VPS36: variants seen among roughly 807,000 people sequenced by gnomAD.
The protein encoded by VPS36 is vacuolar protein-sorting-associated protein 36.
Under a neutral mutation model 63.5 loss-of-function variants are expected in VPS36, and 31 were observed. The observed-to-expected ratio is 0.49, with a 90% CI of 0.37 to 0.66. The LOEUF (loss-of-function observed/expected upper bound fraction) is 0.66, where lower values mean the gene tolerates loss of function less well. VPS36 is among the 30% of genes least tolerant of loss of function. The pLI, the probability that VPS36 is intolerant of heterozygous loss-of-function variation, is 0.00. For synonymous variants in VPS36, 138 were observed against 157.2 expected, an observed-to-expected ratio of 0.88 and a Z score of 0.91; for missense variants, 338 against 463.7, an observed-to-expected ratio of 0.73 and a Z score of 2.49.
In VPS36 at chr13:52,439,170, T is replaced by C. The variant is rs765528788; in HGVS notation, c.166-2A>G. 6 of 1,613,060 alleles carry C rather than the reference T, an allele frequency of 3.7e-6. No individual in the cohort carries two copies. Among genetic ancestry groups the C allele is most frequent in the South Asian group, 1.1e-5 (1 of 90,938 alleles). On this transcript the variant is annotated splice_acceptor_variant, in intron 2 of 13. Coordinates refer to ENST00000378060, the MANE Select transcript of VPS36 (RefSeq NM_016075.4). LOFTEE classifies it high-confidence loss of function. The stretch of plus-strand genomic sequence containing the variant: ...AAGGAGAATGGCCATGCAACACTCC[T>C]AGGAGGAAATCAATAGCTTAAATGA...
At chr13:52,447,003 G>C (rs1281675608) in intron 1 of VPS36, among the ~76,000 whole-genome samples, 1 of 151,428 alleles carries the variant, frequency 6.6e-6, no homozygotes, top group African/African-American at 2.4e-5. Context: ...AGCCTCCCAA[G>C]TAGCTGGGAT....
At chr13:52,418,316 C>T (rs1205801844) in intron 10 of VPS36, among the ~76,000 whole-genome samples, 4 of 151,972 alleles carry the variant, frequency 2.6e-5, no homozygotes, top group South Asian at 2.1e-4. Context: ...GTGGCTCACA[C>T]CTGTAATCCT....
intron 3 of VPS36, among the ~76,000 whole-genome samples, chr13:52,437,612 T>C (rs1346729429): frequency 6.6e-6 from 1 of 151,926 alleles, no homozygotes. Context: ...AGTCATCCAA[T>C]TACTATACTT....
intron 10 of VPS36, 58 bp from the exon 11 acceptor site, chr13:52,418,114 A>C: frequency 7.1e-7 from 1 of 1,410,314 alleles, no homozygotes; most frequent in Non-Finnish European, 9.8e-7. Flanking sequence ...CTAAAACAGA[A>C]GAGTATATTT....
At chr13:52,419,579 G>T (rs1221912367) in intron 10 of VPS36, among the ~76,000 whole-genome samples, 2 of 152,186 alleles carry the variant, frequency 1.3e-5, no homozygotes, top group Non-Finnish European at 2.9e-5. Context: ...ATGAAAAACA[G>T]TATGGCGATT....
intron 9 of VPS36, among the ~76,000 whole-genome samples, chr13:52,424,709 G>A (rs1466716378): frequency 3.9e-5 from 6 of 152,164 alleles, no homozygotes; most frequent in African/African-American, 1.2e-4. Context: ...ATACTAGGCC[G>A]GCACGGTGGC....
At chr13:52,450,356 C>T (rs1001920694) in intron 1 of VPS36, 143 bp downstream of exon 1, 3 of 1,224,080 alleles carry the variant, frequency 2.5e-6, no homozygotes, top group Non-Finnish European at 3.1e-6. Flanking sequence ...CGCTGCACCC[C>T]GCACAGAGGC....
At chr13:52,428,817 T>C (rs1374343700) in intron 6 of VPS36, among the ~76,000 whole-genome samples, 2 of 152,158 alleles carry the variant, frequency 1.3e-5, no homozygotes, top group Non-Finnish European at 2.9e-5. Context: ...TTTATTATAT[T>C]ATGTTGCTGT....
rs750601102 is a variant in VPS36 at position 52,415,934 on chromosome 13, A to AG, written c.1068-12_1068-11insC. The stretch of plus-strand genomic sequence containing the variant: ...TCTGCAAGCAGCAACCTAAAAAAAA[A>AG]CAACAAAAAAACCCCCACACAATTA... On this transcript the variant is annotated splice_polypyrimidine_tract_variant and intron_variant, in intron 13 of 13. Coordinates refer to ENST00000378060, the MANE Select transcript of VPS36 (RefSeq NM_016075.4). 1.2e-6 allele frequency: 2 copies of AG among 1,613,300 alleles called. No homozygotes were observed. The highest frequency in any genetic ancestry group is 1.7e-6 in the Non-Finnish European group (2 of 1,179,836).
intron 1 of VPS36, among the ~76,000 whole-genome samples, chr13:52,446,750 A>G (rs1958347421): frequency 6.6e-6 from 1 of 152,190 alleles, no homozygotes; most frequent in South Asian, 2.1e-4. Flanking sequence ...ATATACACAG[A>G]TGTTTATGTA....
At chr13:52,449,359 T>G (rs1291451899) in intron 1 of VPS36, among the ~76,000 whole-genome samples, 4 of 151,958 alleles carry the variant, frequency 2.6e-5, no homozygotes, top group African/African-American at 7.3e-5. Flanking sequence ...ATTAATTAAT[T>G]AAATTAAGAA....
chr13:52,415,552 A>T lies in VPS36; in HGVS notation c.*278T>A, dbSNP rs905844367. ...CTTTATAAAATGATTAGATTTGAGG[A>T]TCAAGTTAAAATCCACTATATTCCA... On this transcript the variant is annotated 3_prime_UTR_variant, in exon 14 of 14. Coordinates refer to ENST00000378060, the MANE Select transcript of VPS36 (RefSeq NM_016075.4). The T allele has an allele frequency of 3.7e-6, 1 of 273,110 alleles. No homozygotes were observed. The highest frequency in any genetic ancestry group is 2.2e-5 in the African/African-American group (1 of 45,026). The allele number at this position is 273,110 out of a possible 1,614,324, so 16.9% of individuals were successfully genotyped here. A position where few individuals can be genotyped will look rare whatever the true frequency, so the allele number is the denominator to read the frequency against.
intron 11 of VPS36, among the ~76,000 whole-genome samples, chr13:52,417,694 A>G (rs1300948685): frequency 1.3e-5 from 2 of 152,142 alleles, no homozygotes; most frequent in Non-Finnish European, 2.9e-5. Context: ...GAATAAGGAA[A>G]ATAATATTCA....
intron 10 of VPS36, among the ~76,000 whole-genome samples, chr13:52,418,856 C>A (rs1223539313): frequency 6.6e-6 from 1 of 152,172 alleles, no homozygotes; most frequent in Non-Finnish European, 1.5e-5. Flanking sequence ...AACAAATCAG[C>A]ATAGTGTGGT....
chr13:52,417,335 A>T (rs1230938641), intron 11 of VPS36, among the ~76,000 whole-genome samples, 194 bp from the exon 12 acceptor site: 1 of 152,214 alleles, frequency 6.6e-6, no homozygotes, highest in Non-Finnish European at 1.5e-5. Context: ...TAAAATTATG[A>T]ACTAAAATCT....
rs1958247736 is a variant in VPS36, at chr13:52,439,118, C to G, written c.216G>C (p.Gln72His). ...CTTACCTCTTCCCAATTCCAGCCGC[C>G]TGTTCTTCAATGAACACAATTTGGG... Reference protein sequence around the residue: ...LLSQIVFIEEQAAGIGKSAKI... With the variant: ...LLSQIVFIEEHAAGIGKSAKI... The change falls in exon 3 of 14, where the codon CAG becomes CAC. Residue 72 changes from glutamine (Q) to histidine (H), a missense_variant. Transcript: ENST00000378060. 2.5e-6 allele frequency: 4 copies of G among 1,613,884 alleles called. No individual in the cohort carries two copies. The highest frequency in any genetic ancestry group is 1.7e-4 in the Middle Eastern group (1 of 6,058).
chr13:52,445,481 T>C (rs985519323), intron 1 of VPS36, among the ~76,000 whole-genome samples: 1 of 143,074 alleles, frequency 7.0e-6, no homozygotes, highest in Non-Finnish European at 1.5e-5. Flanking sequence ...CTACTAAAAA[T>C]ACAAAAAATT....
intron 8 of VPS36, 72 bp from the exon 9 acceptor site, chr13:52,426,138 T>C (rs1179054049): frequency 7.1e-6 from 11 of 1,546,452 alleles, no homozygotes; most frequent in African/African-American, 1.4e-5. Context: ...CATCACAAAT[T>C]CAATTCCACT....
At chr13:52,434,543 G>C (rs1023332771) in intron 5 of VPS36, among the ~76,000 whole-genome samples, 1 of 152,066 alleles carries the variant, frequency 6.6e-6, no homozygotes, top group Non-Finnish European at 1.5e-5. Context: ...ATTTTTAGTA[G>C]AGACAGGGTT....
Sources: gnomAD v4.1 joint callset for allele counts (sites outside exome capture counted in the v4.1 genomes callset) on GRCh38, gnomAD v4.1.1 for gene constraint, MANE v1.5 for transcripts, NCBI Gene and HGNC (gene_info 2026-07-23, HGNC 2026-07-21) for gene names.